Variants in VAV3 observed in about 807,000 individuals in gnomAD.
The protein encoded by VAV3 is vav guanine nucleotide exchange factor 3.
A neutral mutation model predicts 131.2 loss-of-function variants in VAV3; 94 were observed. The ratio of observed to expected loss-of-function variants is 0.72; its 90% CI spans 0.61 to 0.85. The LOEUF is 0.85. Among genes scored for constraint, VAV3 ranks in the 40% least tolerant of loss-of-function variants. The pLI is 0.00. For synonymous variants in VAV3, 349 were observed against 342.0 expected (o/e 1.02, Z -0.22); for missense variants, 939 against 1,002.7 (o/e 0.94, Z 0.86).
chr1:107,642,831 G>A (rs1655451708), intron 19 of VAV3, 76 bp from the exon 20 acceptor site: 1 of 1,584,700 alleles, frequency 6.3e-7, no homozygotes, highest in African/African-American at 1.4e-5. Context: ...TACAAAAAAT[G>A]TCATTATTAA....
At chr1:107,738,353 TA>T (rs909362477) in intron 15 of VAV3, among the ~76,000 whole-genome samples, 3 of 151,794 alleles carry the variant, frequency 2.0e-5, no homozygotes, top group Non-Finnish European at 4.4e-5. Context: ...TAAAGCATAT[TA>T]AAAAAAAGAA....
intron 10 of VAV3, 73 bp downstream of exon 10, chr1:107,760,711 T>C (rs998341562): frequency 6.8e-6 from 8 of 1,173,510 alleles, no homozygotes; most frequent in Non-Finnish European, 1.0e-5. Flanking sequence ...ATATCTGCAA[T>C]GTAGTTGATG....
At chr1:107,904,326 C>T (rs958534398) in intron 1 of VAV3, among the ~76,000 whole-genome samples, 6 of 152,156 alleles carry the variant, frequency 3.9e-5, no homozygotes, top group Admixed American at 2.6e-4. Context: ...GTCCAGCAGG[C>T]GGGTACCAAA....
intron 24 of VAV3, among the ~76,000 whole-genome samples, chr1:107,597,228 A>T (rs1253546802): frequency 2.8e-5 from 1 of 35,942 alleles, no homozygotes; most frequent in Non-Finnish European, 5.5e-5. Context: ...ATAAAAAATA[A>T]AAAAAAAAAA....
In VAV3 at chr1:107,895,235, C is replaced by T. The variant is rs928034166; in HGVS notation, c.205-20218G>A. 2.6e-5 allele frequency among the ~76,000 whole-genome samples: 4 copies of T among 152,166 alleles called. No individual in the cohort carries two copies. In the East Asian group the frequency reaches 5.8e-4, roughly 22 times the overall value. ...TTGGAGAAGGAATCGGACTCTCACC[C>T]ATGGGACGTGAGTGGGGAACAAAAA... On this transcript the variant is annotated intron_variant, in intron 1 of 26. Coordinates refer to ENST00000370056, the MANE Select transcript of VAV3 (RefSeq NM_006113.5).
intron 24 of VAV3, among the ~76,000 whole-genome samples, chr1:107,602,177 A>C (rs1283550694): frequency 6.6e-6 from 1 of 152,100 alleles, no homozygotes; most frequent in Non-Finnish European, 1.5e-5. Context: ...ACTCTATCTA[A>C]ACCTGCAAAC....
chr1:107,622,086 T>C (rs950803184), intron 20 of VAV3, among the ~76,000 whole-genome samples: 3 of 152,188 alleles, frequency 2.0e-5, no homozygotes, highest in African/African-American at 7.2e-5. Flanking sequence ...AAAATAACAA[T>C]GCCTTTTTCC....
chr1:107,885,269 A>C (rs2101045590), intron 1 of VAV3, among the ~76,000 whole-genome samples: 1 of 151,680 alleles, frequency 6.6e-6, no homozygotes, highest in South Asian at 2.1e-4. Context: ...TTTTATTTTT[A>C]TTTTTTTGAG....
At chr1:107,604,871 C>T (rs1652146033) in intron 22 of VAV3, among the ~76,000 whole-genome samples, 1 of 152,204 alleles carries the variant, frequency 6.6e-6, no homozygotes, top group African/African-American at 2.4e-5. Flanking sequence ...CTTTCAAACA[C>T]TGTACCTATT....
chr1:107,939,247 G>C (rs150080794), intron 1 of VAV3, among the ~76,000 whole-genome samples: 1 of 152,082 alleles, frequency 6.6e-6, no homozygotes, highest in African/African-American at 2.4e-5. Flanking sequence ...AAATCTCCTT[G>C]CAAGTCCAAA....
chr1:107,688,662 A>G (rs1362653811), intron 17 of VAV3: 2 of 879,658 alleles, frequency 2.3e-6, no homozygotes. Context: ...TCCATTGTTT[A>G]TTAAGCAATG....
chr1:107,695,871 T>C (rs1004915103), intron 17 of VAV3, among the ~76,000 whole-genome samples: 2 of 152,110 alleles, frequency 1.3e-5, no homozygotes, highest in African/African-American at 2.4e-5. Context: ...CATTAAAAGG[T>C]AGAGTAAAAG....
At chr1:107,720,969 C>A (rs1197383045) in intron 15 of VAV3, among the ~76,000 whole-genome samples, 3 of 152,112 alleles carry the variant, frequency 2.0e-5, no homozygotes, top group Admixed American at 2.0e-4. Context: ...GTACCCAGGG[C>A]AGAGCTGATA....
intron 17 of VAV3, among the ~76,000 whole-genome samples, chr1:107,692,556 G>T (rs1659493451): frequency 6.6e-6 from 1 of 152,108 alleles, no homozygotes; most frequent in Admixed American, 6.5e-5. Flanking sequence ...GCAGTAGAAG[G>T]CTGAAATAAA....
chr1:107,791,370 T>C (rs1244163823), intron 2 of VAV3, among the ~76,000 whole-genome samples: 1 of 79,598 alleles, frequency 1.3e-5, no homozygotes, highest in Non-Finnish European at 2.6e-5. Context: ...AAAGGAAGTT[T>C]TTTTTGGTGA....
intron 2 of VAV3, among the ~76,000 whole-genome samples, chr1:107,805,359 CTTTT>C (rs1328077192): frequency 6.6e-6 from 1 of 152,098 alleles, no homozygotes; most frequent in Non-Finnish European, 1.5e-5. Flanking sequence ...TCCATTCTTT[CTTTT>C]TTCTCCTCTG....
chr1:107,757,453 T>C (rs999603213), intron 10 of VAV3, 124 bp from the exon 11 acceptor site: 5 of 826,530 alleles, frequency 6.0e-6, no homozygotes, highest in Admixed American at 3.5e-5. Flanking sequence ...AAATCTAATA[T>C]GTCTGGGCTC....
chr1:107,607,639 G>C (rs953332793), intron 22 of VAV3, among the ~76,000 whole-genome samples: 1 of 152,144 alleles, frequency 6.6e-6, no homozygotes, highest in Non-Finnish European at 1.5e-5. Flanking sequence ...AAAAGGCAGG[G>C]ACCCTGACAT....
At chr1:107,628,656 C>T (rs1387001232) in intron 20 of VAV3, among the ~76,000 whole-genome samples, 1 of 152,074 alleles carries the variant, frequency 6.6e-6, no homozygotes, top group African/African-American at 2.4e-5. Flanking sequence ...CAAAAAATAA[C>T]AAAACTGCCT....
Sources: allele counts gnomAD v4.1 joint callset (sites outside exome capture counted in the v4.1 genomes callset), GRCh38; gene constraint gnomAD v4.1.1; transcripts MANE v1.5; gene names NCBI Gene and HGNC (gene_info 2026-07-23, HGNC 2026-07-21).